NTNG1: variants seen among roughly 807,000 people sequenced by gnomAD.
NTNG1 encodes netrin-G1.
A neutral mutation model predicts 54.0 loss-of-function variants in NTNG1; 16 were observed. The observed-to-expected ratio is 0.30, with a 90% confidence interval of 0.20 to 0.45. The LOEUF is 0.45. NTNG1 is among the 20% of genes least tolerant of loss of function. The probability of loss-of-function intolerance (pLI) is 1.00; values close to 1 mark genes in which losing one functional copy is unlikely to be tolerated. For missense variants in NTNG1, 530 were observed against 678.7 expected (o/e 0.78, Z 2.43); for synonymous variants, 255 against 263.1 (o/e 0.97, Z 0.30).
intron 2 of NTNG1, among the ~76,000 whole-genome samples, chr1:107,265,510 A>C (rs1009766762): frequency 6.6e-6 from 1 of 152,138 alleles, no homozygotes; most frequent in Non-Finnish European, 1.5e-5. Context: ...CTCCATTGTG[A>C]GTTAAGATTT....
chr1:107,457,923 C>G (rs1677052367), intron 7 of NTNG1, among the ~76,000 whole-genome samples: 1 of 152,000 alleles, frequency 6.6e-6, no homozygotes. Flanking sequence ...TCCCAGCTTC[C>G]TTAGTTAGAG....
At chr1:107,217,004 T>A (rs1270055484) in intron 2 of NTNG1, among the ~76,000 whole-genome samples, 1 of 152,194 alleles carries the variant, frequency 6.6e-6, no homozygotes, top group Non-Finnish European at 1.5e-5. Flanking sequence ...TCTTTTGGAA[T>A]AGTGCCAATA....
intron 2 of NTNG1, among the ~76,000 whole-genome samples, chr1:107,266,053 C>G (rs137862080): frequency 1.1e-4 from 16 of 152,292 alleles, no homozygotes; most frequent in African/African-American, 3.8e-4. Context: ...ACGCTAGTCA[C>G]ATTTTGGAGT....
intron 3 of NTNG1, among the ~76,000 whole-genome samples, chr1:107,376,360 G>A (rs942361027): frequency 1.6e-4 from 25 of 151,606 alleles, no homozygotes; most frequent in Non-Finnish European, 2.4e-4. Flanking sequence ...GTGAGCCGAG[G>A]TCGCGCCACT....
At chr1:107,464,451 A>G (rs970267151) in intron 7 of NTNG1, among the ~76,000 whole-genome samples, 2 of 152,174 alleles carry the variant, frequency 1.3e-5, no homozygotes, top group African/African-American at 2.4e-5. Context: ...GGAAATGAGT[A>G]ACTCAGACAT....
At chr1:107,398,374 A>G (rs1672819166) in intron 4 of NTNG1, among the ~76,000 whole-genome samples, 1 of 152,180 alleles carries the variant, frequency 6.6e-6, no homozygotes, top group African/African-American at 2.4e-5. Context: ...TCAGGGAATG[A>G]CAATATTCTT....
rs1660838378 is a variant in NTNG1, at chr1:107,228,558, A to G, written c.246+79719A>G. Among the ~76,000 whole-genome samples, 5 of 152,198 alleles carry G rather than the reference A, an allele frequency of 3.3e-5. No individual in the cohort carries two copies. In the South Asian group the frequency reaches 1.0e-3, roughly 32 times the overall value. ...AAGTAGCTGAAAAACAACTGCAATAATAATAATAATTAATATTGACTGTAT... is the reference window on the plus strand; with the variant it reads ...AAGTAGCTGAAAAACAACTGCAATAGTAATAATAATTAATATTGACTGTAT... On this transcript the variant is annotated intron_variant, in intron 2 of 7. Coordinates refer to ENST00000370068, the MANE Select transcript of NTNG1 (RefSeq NM_001113226.3).
chr1:107,197,266 A>C lies in NTNG1; in HGVS notation c.246+48427A>C, dbSNP rs148479671. Among the ~76,000 whole-genome samples, 65 of 152,052 alleles carry C rather than the reference A, an allele frequency of 4.3e-4. No homozygotes were observed. The East Asian group carries it at 0.011, about 26-fold the overall frequency. On this transcript the variant is annotated intron_variant, in intron 2 of 7. Transcript: ENST00000370068. ...AGGGTCAGCTGTGCTGAAACTAGGT[A>C]GGTCTCTGCTGGCTTACTGCCACTC...
intron 2 of NTNG1, among the ~76,000 whole-genome samples, chr1:107,299,384 CG>C (rs1666185346): frequency 6.6e-6 from 1 of 152,070 alleles, no homozygotes; most frequent in Non-Finnish European, 1.5e-5. Context: ...TAATTTGAAG[CG>C]TTTTTTTTCT....
chr1:107,465,258 G>A (rs1677529733), intron 7 of NTNG1, among the ~76,000 whole-genome samples: 1 of 152,104 alleles, frequency 6.6e-6, no homozygotes, highest in Non-Finnish European at 1.5e-5. Flanking sequence ...TGGATGCTTA[G>A]GATTCAAAGA....
intron 5 of NTNG1, among the ~76,000 whole-genome samples, chr1:107,426,088 G>A (rs1177125148): frequency 6.6e-6 from 1 of 151,836 alleles, no homozygotes; most frequent in Non-Finnish European, 1.5e-5. Flanking sequence ...GGTCTTTAGA[G>A]GCATAATTTC....
At chr1:107,374,443 T>TAGAG (rs1272116033) in intron 3 of NTNG1, among the ~76,000 whole-genome samples, 1 of 152,162 alleles carries the variant, frequency 6.6e-6, no homozygotes, top group Non-Finnish European at 1.5e-5. Context: ...TTATCTTCTC[T>TAGAG]ATGTTTCATT....
At chr1:107,372,403 C>T (rs1670973893) in intron 3 of NTNG1, among the ~76,000 whole-genome samples, 1 of 151,786 alleles carries the variant, frequency 6.6e-6, no homozygotes, top group Non-Finnish European at 1.5e-5. Flanking sequence ...AAAAGGGAAA[C>T]TTTTTGAGAT....
chr1:107,392,855 C>T (rs542936697), intron 3 of NTNG1, among the ~76,000 whole-genome samples: 4 of 152,182 alleles, frequency 2.6e-5, no homozygotes, highest in East Asian at 3.9e-4. Flanking sequence ...TCCAAGCACA[C>T]GGACACATTT....
At chr1:107,471,919 A>T (rs1678002763) in intron 7 of NTNG1, among the ~76,000 whole-genome samples, 1 of 152,194 alleles carries the variant, frequency 6.6e-6, no homozygotes. Flanking sequence ...ACTTTAACAA[A>T]GTATACTTAG....
chr1:107,307,412 T>A (rs1199456253), intron 2 of NTNG1, among the ~76,000 whole-genome samples: 3 of 152,200 alleles, frequency 2.0e-5, no homozygotes, highest in Admixed American at 6.5e-5. Flanking sequence ...TAGTAATTTC[T>A]GACTTGTATT....
chr1:107,265,830 G>T (rs1210411585), intron 2 of NTNG1, among the ~76,000 whole-genome samples: 2 of 152,128 alleles, frequency 1.3e-5, no homozygotes, highest in Non-Finnish European at 2.9e-5. Flanking sequence ...AGCAAAGATG[G>T]GAGTACTCTC....
At chr1:107,234,542 A>C (rs910007550) in intron 2 of NTNG1, among the ~76,000 whole-genome samples, 4 of 152,094 alleles carry the variant, frequency 2.6e-5, no homozygotes, top group Non-Finnish European at 5.9e-5. Context: ...CTTTTGATCC[A>C]CGCAGCCATT....
chr1:107,410,639 T>C (rs1409732487), intron 5 of NTNG1: 2 of 152,172 alleles, frequency 1.3e-5, no homozygotes, highest in Admixed American at 6.6e-5. Context: ...TTCCTTCAGA[T>C]TGCATTTTTT....
Sources: allele counts gnomAD v4.1 joint callset (sites outside exome capture counted in the v4.1 genomes callset), GRCh38; gene constraint gnomAD v4.1.1; transcripts MANE v1.5; gene names NCBI Gene and HGNC (gene_info 2026-07-23, HGNC 2026-07-21).